Variants in PDE7B observed in about 807,000 individuals in gnomAD.
The protein encoded by PDE7B is 3',5'-cyclic-AMP phosphodiesterase 7B.
PDE7B carries 29 observed loss-of-function variants against 56.2 expected under a neutral mutation model. The observed-to-expected ratio is 0.52, with a 90% CI of 0.38 to 0.70. The LOEUF (loss-of-function observed/expected upper bound fraction) is 0.70. PDE7B is among the 30% of genes least tolerant of loss of function. The pLI is 0.00. For synonymous variants in PDE7B, 197 were observed against 196.9 expected (o/e 1.00, Z 0.00); for missense variants, 490 against 565.0 (o/e 0.87, Z 1.35).
At chr6:136,056,806 A>G (rs891477789) in intron 2 of PDE7B, among the ~76,000 whole-genome samples, 5 of 152,050 alleles carry the variant, frequency 3.3e-5, no homozygotes, top group African/African-American at 1.2e-4. Flanking sequence ...TGCTGGGATT[A>G]CAGGCGTGAG....
At chr6:135,958,237 G>T (rs1220599515) in intron 2 of PDE7B, among the ~76,000 whole-genome samples, 2 of 151,810 alleles carry the variant, frequency 1.3e-5, no homozygotes, top group East Asian at 3.9e-4. Flanking sequence ...GTCTCAATAA[G>T]AGTTAAGAAA....
chr6:136,049,605 G>C (rs570959865), intron 2 of PDE7B, among the ~76,000 whole-genome samples: 3 of 152,356 alleles, frequency 2.0e-5, no homozygotes, highest in African/African-American at 2.4e-5. Flanking sequence ...GGAAGGTTCT[G>C]TGATGGACTG....
intron 3 of PDE7B, among the ~76,000 whole-genome samples, chr6:136,120,928 C>G (rs1238863353): frequency 6.6e-6 from 1 of 152,146 alleles, no homozygotes; most frequent in African/African-American, 2.4e-5. Context: ...TATTCCCACC[C>G]TCCCCTACAT....
chr6:136,005,905 T>G (rs1350447824), intron 2 of PDE7B, among the ~76,000 whole-genome samples: 3 of 151,844 alleles, frequency 2.0e-5, no homozygotes, highest in African/African-American at 7.3e-5. Flanking sequence ...CACATGCACG[T>G]GTATGTTTAT....
intron 2 of PDE7B, among the ~76,000 whole-genome samples, chr6:136,085,929 T>G (rs1394149452): frequency 6.6e-6 from 1 of 152,240 alleles, no homozygotes; most frequent in Non-Finnish European, 1.5e-5. Flanking sequence ...TATTAAGCAC[T>G]GAGCTTTGTG....
intron 8 of PDE7B, among the ~76,000 whole-genome samples, chr6:136,172,619 G>T (rs1450894550): frequency 1.3e-5 from 2 of 151,896 alleles, no homozygotes; most frequent in Admixed American, 1.3e-4. Context: ...CTTTTGCTGT[G>T]CAGAAGCTCT....
intron 1 of PDE7B, among the ~76,000 whole-genome samples, chr6:135,889,847 G>A (rs1775779384): frequency 6.9e-6 from 1 of 144,628 alleles, no homozygotes; most frequent in Non-Finnish European, 1.5e-5. Context: ...CTGCCTCCTG[G>A]GTTCAAGCGA....
intron 8 of PDE7B, among the ~76,000 whole-genome samples, chr6:136,168,382 G>A (rs548899137): frequency 3.3e-5 from 5 of 152,284 alleles, no homozygotes; most frequent in Admixed American, 2.6e-4. Context: ...ACTGGGGCAG[G>A]TGGATAGCAT....
chr6:136,120,524 A>C (rs1384923643), intron 3 of PDE7B, among the ~76,000 whole-genome samples: 1 of 152,184 alleles, frequency 6.6e-6, no homozygotes, highest in African/African-American at 2.4e-5. Context: ...TGAGAAAAGG[A>C]GGCAACTCTC....
chr6:135,976,054 C>T (rs1457986147), intron 2 of PDE7B, among the ~76,000 whole-genome samples: 1 of 152,120 alleles, frequency 6.6e-6, no homozygotes. Context: ...AGTATCCAGA[C>T]CTGCAGCCGA....
chr6:136,082,734 C>T lies in PDE7B; in HGVS notation c.83-25997C>T, dbSNP rs117876127. On this transcript the variant is annotated intron_variant, in intron 2 of 12. Transcript: ENST00000308191. ...GGTATATGCTTTTCAATCTCACATA[C>T]AGGAAAATCATACCGGAAGTTATTG... Among the ~76,000 whole-genome samples, 25 of 152,168 alleles carry T rather than the reference C, an allele frequency of 1.6e-4. No homozygotes were observed. In the East Asian group the frequency reaches 4.3e-3, roughly 26 times the overall value.
chr6:135,945,071 T>G (rs2327664), intron 1 of PDE7B, among the ~76,000 whole-genome samples: 1 of 66,282 alleles, frequency 1.5e-5, no homozygotes. Flanking sequence ...ACTTTCACTT[T>G]AATCACTTTA....
At chr6:136,121,305 C>G (rs1431674451) in intron 3 of PDE7B, among the ~76,000 whole-genome samples, 1 of 152,182 alleles carries the variant, frequency 6.6e-6, no homozygotes, top group Non-Finnish European at 1.5e-5. Context: ...CCAGTATCCC[C>G]TTCCCTCTCC....
At chr6:135,863,780 C>T (rs756856760) in intron 1 of PDE7B, among the ~76,000 whole-genome samples, 1 of 150,744 alleles carries the variant, frequency 6.6e-6, no homozygotes, top group Admixed American at 6.6e-5. Context: ...GGTTGCATGC[C>T]TTATCATTTT....
At chr6:135,947,858 A>G (rs889789170) in intron 2 of PDE7B, among the ~76,000 whole-genome samples, 9 of 152,088 alleles carry the variant, frequency 5.9e-5, no homozygotes, top group Admixed American at 5.2e-4. Flanking sequence ...CCAAAGATGG[A>G]TGATAAGATA....
rs182575549 is a variant in PDE7B, at chr6:135,926,377, A to G, written c.22-21087A>G. Among the ~76,000 whole-genome samples the G allele has an allele frequency of 9.8e-3, 1,489 of 152,040 alleles. 10 individuals are homozygous for G. The highest frequency in any genetic ancestry group is 0.014 in the Non-Finnish European group (942 of 67,958). ...GCTGGGATTACAGGCGTGAGCCACC[A>G]TGCCCGGCAAACCTCTGTATTTTTT... On this transcript the variant is annotated intron_variant, in intron 1 of 12. Transcript: ENST00000308191.
intron 2 of PDE7B, among the ~76,000 whole-genome samples, chr6:135,972,035 G>C (rs1775102132): frequency 6.6e-6 from 1 of 151,992 alleles, no homozygotes; most frequent in South Asian, 2.1e-4. Flanking sequence ...GGGAGTTCAA[G>C]ACCAGCCTTA....
intron 2 of PDE7B, among the ~76,000 whole-genome samples, chr6:136,053,740 T>C (rs1776676461): frequency 6.6e-6 from 1 of 152,162 alleles, no homozygotes. Flanking sequence ...GACTTTTTAA[T>C]GATTGCCATT....
intron 2 of PDE7B, among the ~76,000 whole-genome samples, chr6:136,022,088 A>G (rs1338928858): frequency 1.3e-5 from 2 of 152,180 alleles, no homozygotes; most frequent in African/African-American, 4.8e-5. Flanking sequence ...TTCTGCCTCA[A>G]GTCCTCTTCC....
Sources: gnomAD v4.1 joint callset for allele counts (sites outside exome capture counted in the v4.1 genomes callset) on GRCh38, gnomAD v4.1.1 for gene constraint, MANE v1.5 for transcripts, NCBI Gene and HGNC (gene_info 2026-07-23, HGNC 2026-07-21) for gene names.